The following PRKN variants were observed in gnomAD, a reference collection of about 807,000 sequenced individuals.
PRKN encodes the protein E3 ubiquitin-protein ligase parkin.
In PRKN, 56 loss-of-function variants were observed where a neutral mutation model predicts 59.5. The observed-to-expected ratio is 0.94, with a 90% CI of 0.76 to 1.18. PRKN has a LOEUF of 1.18. Among genes scored for constraint, PRKN ranks in the 50% most tolerant of loss-of-function variants. The pLI, the probability that PRKN is intolerant of heterozygous loss-of-function variation, is 0.00. For missense variants in PRKN, 657 were observed against 596.4 expected, an observed-to-expected ratio of 1.10 and a Z score of -1.06; for synonymous variants, 250 against 222.1, an observed-to-expected ratio of 1.13 and a Z score of -1.12.
chr6:162,091,377 G>C (rs774028114), intron 4 of PRKN, among the ~76,000 whole-genome samples: 1 of 152,104 alleles, frequency 6.6e-6, no homozygotes, highest in Non-Finnish European at 1.5e-5. Context: ...CTCCCATTTG[G>C]TTTAAAGAGG....
chr6:162,660,747 T>C (rs1778846152), intron 1 of PRKN, among the ~76,000 whole-genome samples: 1 of 152,070 alleles, frequency 6.6e-6, no homozygotes, highest in Non-Finnish European at 1.5e-5. Context: ...GAGTGATTGC[T>C]GTCCACATGG....
intron 4 of PRKN, among the ~76,000 whole-genome samples, chr6:162,086,959 T>C (rs1020822935): frequency 1.3e-5 from 2 of 152,192 alleles, no homozygotes; most frequent in African/African-American, 4.8e-5. Context: ...AATTGAGCCA[T>C]TAATACAAAT....
At chr6:161,894,285 C>T (rs769296498) in intron 6 of PRKN, among the ~76,000 whole-genome samples, 4 of 152,180 alleles carry the variant, frequency 2.6e-5, no homozygotes, top group African/African-American at 9.7e-5. Flanking sequence ...TGATTTCATG[C>T]GAGTCTCATT....
At chr6:162,385,866 TAAAA>T (rs887742223) in intron 2 of PRKN, among the ~76,000 whole-genome samples, 1 of 148,144 alleles carries the variant, frequency 6.8e-6, no homozygotes, top group Non-Finnish European at 1.5e-5. Flanking sequence ...GTTTTTTCCC[TAAAA>T]AAAAAAGTTT....
At chr6:162,268,640 T>C (rs1319554891) in intron 2 of PRKN, among the ~76,000 whole-genome samples, 1 of 152,148 alleles carries the variant, frequency 6.6e-6, no homozygotes, top group Non-Finnish European at 1.5e-5. Flanking sequence ...TGATTCCACT[T>C]TATAGAAGAC....
rs1243428333 is a variant in PRKN, at chr6:162,001,238, T to C, written c.619-27821A>G. 2.6e-5 allele frequency among the ~76,000 whole-genome samples: 4 copies of C among 152,080 alleles called. No homozygotes were observed. In the South Asian group the frequency reaches 8.3e-4, roughly 31 times the overall value. On this transcript the variant is annotated intron_variant, in intron 5 of 11. Transcript: ENST00000366898. Reference sequence around the variant, plus strand: ...TGACTCTAGATAAAATTGGGAAGAATTAACATTCTGACAATATTGAGTCCT... The same window carrying C: ...TGACTCTAGATAAAATTGGGAAGAACTAACATTCTGACAATATTGAGTCCT...
At chr6:162,671,709 C>T (rs925137739) in intron 1 of PRKN, among the ~76,000 whole-genome samples, 6 of 148,186 alleles carry the variant, frequency 4.0e-5, no homozygotes, top group African/African-American at 5.0e-5. Context: ...GTAGGAAATA[C>T]GAAAAATATA....
intron 6 of PRKN, among the ~76,000 whole-genome samples, chr6:161,970,282 T>C (rs982744731): frequency 1.5e-4 from 23 of 151,912 alleles, no homozygotes; most frequent in Non-Finnish European, 3.2e-4. Flanking sequence ...GCTCAAGCAA[T>C]CTGCCTGCCT....
At chr6:162,507,650 G>T (rs1325635469) in intron 1 of PRKN, among the ~76,000 whole-genome samples, 1 of 152,138 alleles carries the variant, frequency 6.6e-6, no homozygotes. Context: ...GGTATGTATA[G>T]GATTTATGAA....
intron 2 of PRKN, among the ~76,000 whole-genome samples, chr6:162,288,221 A>G (rs1234537352): frequency 6.6e-6 from 1 of 152,108 alleles, no homozygotes; most frequent in Non-Finnish European, 1.5e-5. Context: ...CTCATCTTAA[A>G]TGTAGCCAAC....
intron 4 of PRKN, among the ~76,000 whole-genome samples, chr6:162,130,156 G>T (rs190191910): frequency 6.6e-6 from 1 of 152,082 alleles, no homozygotes; most frequent in Admixed American, 6.6e-5. Context: ...TCTGCAGCCT[G>T]TCCTCACTTC....
intron 9 of PRKN, among the ~76,000 whole-genome samples, chr6:161,424,164 G>C (rs9346852): frequency 0.94 from 142,521 of 152,050 alleles, 66,910 homozygotes; most frequent in African/African-American, 0.98. Context: ...TGGCAAAACC[G>C]TGTCTCTACT....
At chr6:162,111,655 A>T (rs1780445237) in intron 4 of PRKN, among the ~76,000 whole-genome samples, 1 of 152,098 alleles carries the variant, frequency 6.6e-6, no homozygotes. Context: ...GCATAGAGTA[A>T]ATCACTGCGG....
intron 6 of PRKN, among the ~76,000 whole-genome samples, chr6:161,841,545 T>C (rs1327948606): frequency 2.0e-5 from 3 of 152,088 alleles, no homozygotes; most frequent in Non-Finnish European, 4.4e-5. Context: ...AGATGGGGTT[T>C]CACCATGTTG....
At chr6:162,152,875 C>T (rs1782331749) in intron 4 of PRKN, among the ~76,000 whole-genome samples, 2 of 152,174 alleles carry the variant, frequency 1.3e-5, no homozygotes, top group South Asian at 2.1e-4. Flanking sequence ...CTATTTCTTA[C>T]TCTGGGACAA....
chr6:162,431,975 T>C (rs1375063322), intron 2 of PRKN, among the ~76,000 whole-genome samples: 1 of 152,212 alleles, frequency 6.6e-6, no homozygotes, highest in Non-Finnish European at 1.5e-5. Context: ...AAATGAATCA[T>C]TAGAAGAATT....
chr6:162,075,789 A>G (rs1582995913), intron 4 of PRKN, among the ~76,000 whole-genome samples: 1 of 152,152 alleles, frequency 6.6e-6, no homozygotes, highest in East Asian at 1.9e-4. Context: ...GTGAAACATT[A>G]AACACGTATG....
intron 9 of PRKN, among the ~76,000 whole-genome samples, chr6:161,493,339 A>C (rs965786872): frequency 1.3e-5 from 2 of 152,248 alleles, no homozygotes; most frequent in Non-Finnish European, 2.9e-5. Context: ...CACTATCATT[A>C]TTCCATTTGA....
intron 7 of PRKN, among the ~76,000 whole-genome samples, chr6:161,774,665 A>G (rs1489387358): frequency 6.6e-6 from 1 of 152,146 alleles, no homozygotes; most frequent in Non-Finnish European, 1.5e-5. Flanking sequence ...TGGATAACGG[A>G]GTGGAGCAGA....
Sources: gnomAD v4.1 joint callset for allele counts (sites outside exome capture counted in the v4.1 genomes callset) on GRCh38, gnomAD v4.1.1 for gene constraint, MANE v1.5 for transcripts, NCBI Gene and HGNC (gene_info 2026-07-23, HGNC 2026-07-21) for gene names.